The following DNAH9 variants were observed in gnomAD, a reference collection of about 807,000 sequenced individuals.
DNAH9 encodes the protein DNAH9 variant protein.
DNAH9 carries 345 observed loss-of-function variants against 471.6 expected under a neutral mutation model. The observed-to-expected ratio is 0.73, with a 90% CI of 0.67 to 0.80. DNAH9 has a LOEUF of 0.80. Among genes scored for constraint, DNAH9 ranks in the 30% least tolerant of loss-of-function variants. DNAH9 has a pLI of 0.00. For synonymous variants in DNAH9, 2,093 were observed against 2,123.6 expected, an observed-to-expected ratio of 0.99 and a Z score of 0.40; for missense variants, 5,407 against 5,609.2, an observed-to-expected ratio of 0.96 and a Z score of 1.15.
At chr17:11,777,427 A>G (rs1363663053) in intron 38 of DNAH9, among the ~76,000 whole-genome samples, 3 of 152,204 alleles carry the variant, frequency 2.0e-5, no homozygotes, top group African/African-American at 4.8e-5. Context: ...AAATATAAAT[A>G]ATTTTTAAAA....
intron 13 of DNAH9, among the ~76,000 whole-genome samples, chr17:11,652,507 G>A (rs556342814): frequency 2.3e-4 from 35 of 151,846 alleles, no homozygotes; most frequent in African/African-American, 7.5e-4. Flanking sequence ...GGATGGTCTC[G>A]ATCTCCTGAC....
At chr17:11,948,734 G>A (rs1975241925) in intron 67 of DNAH9, among the ~76,000 whole-genome samples, 1 of 152,156 alleles carries the variant, frequency 6.6e-6, no homozygotes, top group Non-Finnish European at 1.5e-5. Context: ...GAAGGAGTGG[G>A]ACCCTTATCA....
At chr17:11,634,086 C>T (rs2073116924) in intron 8 of DNAH9, among the ~76,000 whole-genome samples, 1 of 152,086 alleles carries the variant, frequency 6.6e-6, no homozygotes, top group Non-Finnish European at 1.5e-5. Flanking sequence ...CTTCCCTCTA[C>T]TGAAGCAGCA....
At chr17:11,804,103 G>A (rs1287795785) in intron 43 of DNAH9, among the ~76,000 whole-genome samples, 1 of 152,190 alleles carries the variant, frequency 6.6e-6, no homozygotes, top group Non-Finnish European at 1.5e-5. Context: ...AATACAAAAT[G>A]AGTATATGTA....
intron 6 of DNAH9, among the ~76,000 whole-genome samples, chr17:11,624,039 G>A (rs1489032910): frequency 6.6e-6 from 1 of 152,198 alleles, no homozygotes; most frequent in East Asian, 1.9e-4. Flanking sequence ...GCAGTAAGTG[G>A]AGTAATTGCA....
chr17:11,892,019 T>C lies in DNAH9; in HGVS notation c.11283+72T>C. The C allele has an allele frequency of 6.5e-7, 1 of 1,548,336 alleles. No homozygotes were observed. The highest frequency in any genetic ancestry group is 2.3e-5 in the East Asian group (1 of 44,378). On this transcript the variant is annotated intron_variant, in intron 58 of 68. Transcript: ENST00000262442. The surrounding 1 kb of genome is among the most constrained non-coding windows in gnomAD (Gnocchi z 4.3). ...GCCCAGACAGCAGGTGTTAAGAAAC[T>C]TTCTTCTTTGAACATCACTTTCCAC...
chr17:11,695,589 T>G (rs2074462108), intron 22 of DNAH9, among the ~76,000 whole-genome samples: 1 of 152,146 alleles, frequency 6.6e-6, no homozygotes, highest in African/African-American at 2.4e-5. Flanking sequence ...TGTTCGAAGG[T>G]TTTTTGAGTA....
At chr17:11,666,377 G>A (rs2073868290) in intron 15 of DNAH9, among the ~76,000 whole-genome samples, 1 of 152,192 alleles carries the variant, frequency 6.6e-6, no homozygotes, top group African/African-American at 2.4e-5. Flanking sequence ...TATCCGATGT[G>A]CCATGTGTCC....
intron 28 of DNAH9, among the ~76,000 whole-genome samples, chr17:11,728,581 A>G (rs2075199297): frequency 6.6e-6 from 1 of 151,640 alleles, no homozygotes; most frequent in Admixed American, 6.6e-5. Context: ...GAGTACTTTC[A>G]ATGTTCTAGA....
At chr17:11,826,257 A>C (rs1365997165) in intron 48 of DNAH9, among the ~76,000 whole-genome samples, 1 of 152,054 alleles carries the variant, frequency 6.6e-6, no homozygotes, top group African/African-American at 2.4e-5. Context: ...CCTCATTGGC[A>C]TCAGATTCAG....
intron 26 of DNAH9, among the ~76,000 whole-genome samples, chr17:11,707,827 C>T (rs1436399587): frequency 6.6e-6 from 1 of 152,092 alleles, no homozygotes; most frequent in African/African-American, 2.4e-5. Context: ...CACCTGCACA[C>T]ACATGCTTTC....
chr17:11,878,030 G>A (rs898732394), intron 53 of DNAH9, among the ~76,000 whole-genome samples: 2 of 152,110 alleles, frequency 1.3e-5, no homozygotes, highest in African/African-American at 2.4e-5. Flanking sequence ...CACCGCGCCC[G>A]GCCAATATGA....
chr17:11,876,749 T>C lies in DNAH9; in HGVS notation c.10478+1565T>C, dbSNP rs528360188. Among the ~76,000 whole-genome samples the C allele has an allele frequency of 4.6e-5, 7 of 152,318 alleles. No homozygotes were observed. The East Asian group carries it at 7.7e-4, about 17-fold the overall frequency. On this transcript the variant is annotated intron_variant, in intron 53 of 68. Coordinates refer to ENST00000262442, the MANE Select transcript of DNAH9 (RefSeq NM_001372.4). ...TTTGTTTGTTTTTTGAGACGGAGTC[T>C]CACTCTGTCACCCAGGCTGGAGTGC...
At chr17:11,738,244 G>A (rs995199341) in intron 28 of DNAH9, among the ~76,000 whole-genome samples, 6 of 152,136 alleles carry the variant, frequency 3.9e-5, no homozygotes, top group Non-Finnish European at 7.4e-5. Context: ...AACTGTGTCC[G>A]GCCAGTGGTC....
intron 61 of DNAH9, among the ~76,000 whole-genome samples, chr17:11,906,105 A>G (rs549666870): frequency 6.6e-6 from 1 of 152,248 alleles, no homozygotes; most frequent in East Asian, 1.9e-4. Flanking sequence ...CTGAAATACT[A>G]GTATGATCCT....
In DNAH9 at chr17:11,813,367, G is replaced by A. The variant is rs144449358; in HGVS notation, c.8707+2998G>A. The stretch of plus-strand genomic sequence containing the variant: ...AACAGGGAGAATTAGAGTATATCTT[G>A]GTTCTAATTTTCCCTATCAAATAAG... On this transcript the variant is annotated intron_variant, in intron 45 of 68. Transcript: ENST00000262442. 4.6e-5 allele frequency among the ~76,000 whole-genome samples: 7 copies of A among 152,076 alleles called. No homozygotes were observed. In the East Asian group the frequency reaches 1.4e-3, roughly 29 times the overall value.
chr17:11,836,928 G>C (rs1437753976), intron 49 of DNAH9, among the ~76,000 whole-genome samples: 1 of 152,160 alleles, frequency 6.6e-6, no homozygotes, highest in Admixed American at 6.6e-5. Flanking sequence ...TTGTGGCTCT[G>C]GGAATAATTT....
In DNAH9 at chr17:11,763,526, T is replaced by C. The variant is rs368139938; in HGVS notation, c.7082T>C (p.Ile2361Thr). The change falls in exon 36 of 69, where the codon ATC (isoleucine) becomes ACC (threonine). Residue 2361 changes from isoleucine to threonine, a missense_variant. Ile to Thr is a moderately conservative substitution (Grantham distance 89, BLOSUM62 -1). Around this residue, in one of 3 missense-constraint regions of DNAH9, gnomAD observed 4,636 missense variants for 4,900.3 expected, o/e 0.95. Coordinates refer to ENST00000262442, the MANE Select transcript of DNAH9 (RefSeq NM_001372.4). Reference sequence around the variant, plus strand: ...GAATGTCTCCTGACCACGGAGGACATCCCTGCAGACTGCCCTAAGGAAATT... The same window carrying C: ...GAATGTCTCCTGACCACGGAGGACACCCCTGCAGACTGCCCTAAGGAAATT... The part of the protein sequence containing the change: ...LLECLLTTED[I>T]PADCPKEIYE... The C allele has an allele frequency of 1.2e-5, 19 of 1,613,818 alleles. No individual in the cohort carries two copies. The Middle Eastern group carries it at 4.9e-4, about 42-fold the overall frequency.
chr17:11,791,465 C>T (rs1969060697), intron 41 of DNAH9, among the ~76,000 whole-genome samples: 3 of 152,264 alleles, frequency 2.0e-5, no homozygotes, highest in South Asian at 2.1e-4. Context: ...TAATCCAGCA[C>T]TTTAGGAGAC....
Sources: allele counts gnomAD v4.1 joint callset (sites outside exome capture counted in the v4.1 genomes callset), GRCh38; gene constraint gnomAD v4.1.1; regional missense constraint gnomAD v4.1.1; non-coding constraint Gnocchi (gnomAD v3.1); transcripts MANE v1.5; gene names NCBI Gene and HGNC (gene_info 2026-07-23, HGNC 2026-07-21).